HSPA12A: variants seen among roughly 807,000 people sequenced by gnomAD.
HSPA12A encodes the protein heat shock protein family A (Hsp70) member 12A.
In HSPA12A, 28 loss-of-function variants were observed where a neutral mutation model predicts 69.2. The observed-to-expected ratio is 0.40, with a 90% confidence interval of 0.30 to 0.55. HSPA12A has a LOEUF of 0.55. HSPA12A is among the 20% of genes least tolerant of loss of function. The pLI is 0.38. For missense variants in HSPA12A, 686 were observed against 900.7 expected (o/e 0.76, Z 3.05); for synonymous variants, 345 against 370.5 (o/e 0.93, Z 0.79).
At chr10:116,780,968 T>A (rs1433783256) in intron 2 of HSPA12A, among the ~76,000 whole-genome samples, 4 of 152,180 alleles carry the variant, frequency 2.6e-5, no homozygotes, top group Non-Finnish European at 4.4e-5. Context: ...ACCCTTTCAC[T>A]CCTAGCCCCA....
At chr10:116,803,889 TA>T (rs1316813718) in intron 2 of HSPA12A, among the ~76,000 whole-genome samples, 2 of 152,192 alleles carry the variant, frequency 1.3e-5, no homozygotes, top group Non-Finnish European at 2.9e-5. Flanking sequence ...CATTTCTGTT[TA>T]AAGTCCACTC....
intron 2 of HSPA12A, among the ~76,000 whole-genome samples, chr10:116,822,638 C>A (rs1292372600): frequency 6.6e-6 from 1 of 152,168 alleles, no homozygotes; most frequent in African/African-American, 2.4e-5. Context: ...TCAGAGGCTA[C>A]AATTTAATGT....
intron 1 of HSPA12A, among the ~76,000 whole-genome samples, chr10:116,709,724 T>C (rs2132993388): frequency 6.6e-6 from 1 of 152,288 alleles, no homozygotes; most frequent in African/African-American, 2.4e-5. Context: ...TCTTGCTTAA[T>C]GAGTACAGAA....
intron 2 of HSPA12A, among the ~76,000 whole-genome samples, chr10:116,781,604 C>T (rs1554891807): frequency 6.6e-6 from 1 of 152,160 alleles, no homozygotes; most frequent in East Asian, 1.9e-4. Context: ...CTCAGGAAGC[C>T]TTTTTCTCTG....
intron 2 of HSPA12A, among the ~76,000 whole-genome samples, chr10:116,811,935 C>T (rs907190592): frequency 3.9e-5 from 6 of 152,182 alleles, no homozygotes; most frequent in Non-Finnish European, 5.9e-5. Flanking sequence ...CCCTCAATGG[C>T]GGCGGTGAGC....
intron 2 of HSPA12A, among the ~76,000 whole-genome samples, chr10:116,776,120 T>G (rs1844331908): frequency 6.6e-6 from 1 of 152,156 alleles, no homozygotes; most frequent in African/African-American, 2.4e-5. Flanking sequence ...TGCTCCTGGT[T>G]CCCAGGTCCC....
rs374135772 is a variant in HSPA12A at position 116,779,888 on chromosome 10, G to A, written c.91+55047C>T. Among the ~76,000 whole-genome samples, 9 of 152,208 alleles carry A rather than the reference G, an allele frequency of 5.9e-5. No individual in the cohort carries two copies. In the East Asian group the frequency reaches 9.7e-4, roughly 16 times the overall value. ...GTCCCCGCACCCCGACTCCATGTGG[G>A]CCCATGGCACCACTCCCTAGGGGAC... On this transcript the variant is annotated intron_variant, in intron 2 of 12. Coordinates refer to the HSPA12A transcript ENST00000635765.
At chr10:116,801,988 T>TA in intron 2 of HSPA12A, among the ~76,000 whole-genome samples, 1 of 151,972 alleles carries the variant, frequency 6.6e-6, no homozygotes, top group Non-Finnish European at 1.5e-5. Flanking sequence ...AATGAAAGTT[T>TA]AAAAAAATGT....
chr10:116,717,940 C>A (rs1408018839), intron 1 of HSPA12A, among the ~76,000 whole-genome samples: 3 of 152,122 alleles, frequency 2.0e-5, no homozygotes, highest in East Asian at 1.9e-4. Flanking sequence ...AGTTTGCCCC[C>A]CAAGCTGTCT....
chr10:116,772,168 C>G (rs782457319), intron 2 of HSPA12A, among the ~76,000 whole-genome samples: 9 of 152,110 alleles, frequency 5.9e-5, no homozygotes, highest in Admixed American at 2.0e-4. Flanking sequence ...CTGGGACATG[C>G]AAGTGGAGAT....
chr10:116,781,974 T>C (rs1844474176), intron 2 of HSPA12A, among the ~76,000 whole-genome samples: 1 of 152,148 alleles, frequency 6.6e-6, no homozygotes, highest in African/African-American at 2.4e-5. Flanking sequence ...ATAATATTCC[T>C]TACACCTGTG....
chr10:116,721,037 T>G (rs1480587469), intron 1 of HSPA12A, among the ~76,000 whole-genome samples: 1 of 152,224 alleles, frequency 6.6e-6, no homozygotes, highest in East Asian at 1.9e-4. Flanking sequence ...TTCCAGAGAC[T>G]TTTTAAGACC....
At chr10:116,763,993 G>A (rs782218918) in intron 2 of HSPA12A, among the ~76,000 whole-genome samples, 5 of 151,902 alleles carry the variant, frequency 3.3e-5, no homozygotes, top group East Asian at 1.9e-4. Context: ...TGCAACCTTT[G>A]GGGGGGTGTT....
At chr10:116,786,718 C>A (rs1844584396) in intron 2 of HSPA12A, among the ~76,000 whole-genome samples, 1 of 152,122 alleles carries the variant, frequency 6.6e-6, no homozygotes, top group Non-Finnish European at 1.5e-5. Flanking sequence ...TGGCTCGCTG[C>A]AACCTCTGCC....
At chr10:116,850,305 C>T (rs1478428897), upstream of HSPA12A, 1 of 161,448 alleles carries the variant, frequency 6.2e-6, no homozygotes, top group Non-Finnish European at 1.4e-5. Flanking sequence ...ACCAACCGTC[C>T]TTCTGGGTTC....
At chr10:116,804,125 C>T (rs879932034) in intron 2 of HSPA12A, among the ~76,000 whole-genome samples, 1 of 152,176 alleles carries the variant, frequency 6.6e-6, no homozygotes, top group Non-Finnish European at 1.5e-5. Flanking sequence ...TTCCCTCCCT[C>T]CCTCTTGTCC....
intron 1 of HSPA12A, among the ~76,000 whole-genome samples, chr10:116,720,420 C>T (rs979674499): frequency 1.3e-5 from 2 of 152,204 alleles, no homozygotes; most frequent in Admixed American, 6.5e-5. Context: ...TCTTTGGCAA[C>T]GTAAGAATGC....
At chr10:116,812,990 G>A (rs935644173) in intron 2 of HSPA12A, among the ~76,000 whole-genome samples, 3 of 152,118 alleles carry the variant, frequency 2.0e-5, no homozygotes, top group Non-Finnish European at 2.9e-5. Flanking sequence ...AGGAAGCTAA[G>A]ACGTTAAGCA....
At chr10:116,811,507 G>C (rs1845182440) in intron 2 of HSPA12A, among the ~76,000 whole-genome samples, 2 of 150,120 alleles carry the variant, frequency 1.3e-5, no homozygotes, top group Non-Finnish European at 2.9e-5. Flanking sequence ...CAAGGCAGCT[G>C]GTCCTGCTCC....
Sources: allele counts gnomAD v4.1 joint callset (sites outside exome capture counted in the v4.1 genomes callset), GRCh38; gene constraint gnomAD v4.1.1; transcripts MANE v1.5; gene names NCBI Gene and HGNC (gene_info 2026-07-23, HGNC 2026-07-21).